MAP4: variants seen among roughly 807,000 people sequenced by gnomAD.
MAP4 encodes the protein microtubule-associated protein 4.
A neutral mutation model predicts 170.2 loss-of-function variants in MAP4; 76 were observed. That is an observed-to-expected ratio of 0.45 (90% CI 0.37 to 0.54). MAP4 has a LOEUF of 0.54. Among genes scored for constraint, MAP4 ranks in the 20% least tolerant of loss-of-function variants. The pLI is 0.00. For missense variants in MAP4, 2,506 were observed against 2,748.0 expected, an observed-to-expected ratio of 0.91 and a Z score of 1.97; for synonymous variants, 909 against 994.5, an observed-to-expected ratio of 0.91 and a Z score of 1.62.
chr3:47,937,416 G>A lies in MAP4; in HGVS notation c.293-9066C>T, dbSNP rs900330923. Among the ~76,000 whole-genome samples the A allele has an allele frequency of 3.9e-5, 6 of 152,038 alleles. No homozygotes were observed. The East Asian group carries it at 5.8e-4, about 15-fold the overall frequency. ...AAAAGGTGATGAAACTTGGATAAAC[G>A]CCTTTTTAAATTAGTAAAAATATTA... On this transcript the variant is annotated intron_variant, in intron 3 of 20. Coordinates refer to ENST00000683076, the MANE Select transcript of MAP4 (RefSeq NM_001385682.1).
In MAP4 at chr3:47,916,643, T is replaced by G. The variant is rs767637799; in HGVS notation, c.1184A>C (p.Asp395Ala). The change falls in exon 7 of 21, where the codon GAC (aspartate) becomes GCC (alanine). Residue 395 changes from aspartate (D) to alanine (A), a missense_variant. Transcript: ENST00000683076. ...CTTGTTTTCTTTGGGTGGTCCCATG[T>G]CCTTGGAAGGAGCCAAGTCCATTTT... is the stretch of plus-strand genomic sequence containing the variant. ...PIKMDLAPSK[D>A]MGPPKENKIV... 15 of 1,614,094 alleles carry G rather than the reference T, an allele frequency of 9.3e-6. No individual in the cohort carries two copies. The highest frequency in any genetic ancestry group is 1.1e-5 in the Non-Finnish European group (13 of 1,180,034).
intron 2 of MAP4, among the ~76,000 whole-genome samples, chr3:47,992,171 T>C (rs928296165): frequency 2.0e-5 from 3 of 152,106 alleles, no homozygotes; most frequent in African/African-American, 7.2e-5. Flanking sequence ...ATATGAAACC[T>C]GTCATTATGG....
chr3:47,880,976 GT>G (rs1211963192), intron 10 of MAP4, among the ~76,000 whole-genome samples: 1 of 152,134 alleles, frequency 6.6e-6, no homozygotes, highest in African/African-American at 2.4e-5. Context: ...GGTTACAGAA[GT>G]CCCCAGCTGT....
chr3:48,031,254 AAAAATAC>A (rs758732779), intron 1 of MAP4, among the ~76,000 whole-genome samples: 1 of 152,106 alleles, frequency 6.6e-6, no homozygotes, highest in Non-Finnish European at 1.5e-5. Flanking sequence ...CATCTCTATG[AAAAATAC>A]AAAAATTAGG....
chr3:48,058,587 A>G (rs2100133514), intron 1 of MAP4, among the ~76,000 whole-genome samples: 1 of 152,222 alleles, frequency 6.6e-6, no homozygotes, highest in Admixed American at 6.5e-5. Context: ...TTCATCTGAT[A>G]AAACTGGCAT....
chr3:47,863,937 T>TGTGTGGGGGGGGG (rs374208589), intron 17 of MAP4, among the ~76,000 whole-genome samples: 5 of 138,462 alleles, frequency 3.6e-5, no homozygotes, highest in East Asian at 4.2e-4. Context: ...TGTGTGTGTG[T>TGTGTGGGGGGGGG]GGGGAGTGGT....
In MAP4 at chr3:47,936,510, TA is replaced by T. The variant is rs562367682; in HGVS notation, c.293-8161del. Among the ~76,000 whole-genome samples the T allele has an allele frequency of 4.6e-3, 661 of 144,942 alleles. 1 individual carries two copies. Among genetic ancestry groups the T allele is most frequent in the African/African-American group, 0.013 (520 of 39,812 alleles). On this transcript the variant is annotated intron_variant, in intron 3 of 20. Transcript: ENST00000683076. Reference sequence around the variant, plus strand: ...GTATTATTCTAAAACCCTTATATGTTAAAAAAAAAAAATCTAGCTACAAGCA... The same window carrying T: ...GTATTATTCTAAAACCCTTATATGTTAAAAAAAAAAATCTAGCTACAAGCA...
In MAP4 at chr3:47,980,246, G is replaced by T. The variant is rs544633901; in HGVS notation, c.224-2313C>A. ...CATATAAGACTATATAGATCAATTT[G>T]GGGATTGACTATATAGATCAATTTG... On this transcript the variant is annotated intron_variant, in intron 2 of 20. Transcript: ENST00000683076. Among the ~76,000 whole-genome samples, 32 of 152,142 alleles carry T rather than the reference G, an allele frequency of 2.1e-4. No individual in the cohort carries two copies. The South Asian group carries it at 6.4e-3, about 31-fold the overall frequency.
In MAP4 at chr3:47,869,238, A is replaced by T. The variant is rs1344742632; in HGVS notation, c.6384T>A (p.Ser2128Arg). 10 of 1,613,690 alleles carry T rather than the reference A, an allele frequency of 6.2e-6. No individual in the cohort carries two copies. The highest frequency in any genetic ancestry group is 8.5e-6 in the Non-Finnish European group (10 of 1,179,572). The change falls in exon 16 of 21, where the codon AGT becomes AGA. Residue 2128 changes from serine to arginine, a missense_variant. This residue lies in a region of MAP4 where 487 missense variants were observed against 511.6 expected (regional missense o/e 0.95). Coordinates refer to ENST00000683076, the MANE Select transcript of MAP4 (RefSeq NM_001385682.1). ...CTTTCCCCGCAGGTTGTTTCTGTGCACTTGCAATTGGGCCGGCTGTTTTAG... is the reference window on the plus strand; with the variant it reads ...CTTTCCCCGCAGGTTGTTTCTGTGCTCTTGCAATTGGGCCGGCTGTTTTAG... ...AVTKTAGPIA[S>R]AQKQPAGKVQ...
In MAP4 at chr3:48,085,422, T is replaced by C. The variant is rs535727529; in HGVS notation, c.-20+3351A>G. ...TGCTTCCTTCACTGTCAGCAAACAATGGAAAATGACTTTTTAATAGGTAAT... is the reference window on the plus strand; with the variant it reads ...TGCTTCCTTCACTGTCAGCAAACAACGGAAAATGACTTTTTAATAGGTAAT... On this transcript the variant is annotated intron_variant, in intron 1 of 18. Transcript: ENST00000360240. Among the ~76,000 whole-genome samples the C allele has an allele frequency of 2.9e-3, 445 of 152,264 alleles. 3 individuals carry two copies. The highest frequency in any genetic ancestry group is 0.014 in the Middle Eastern group (4 of 294).
chr3:47,915,409 C>A (rs1234145439), intron 7 of MAP4, among the ~76,000 whole-genome samples: 1 of 152,078 alleles, frequency 6.6e-6, no homozygotes, highest in African/African-American at 2.4e-5. Flanking sequence ...AGCCACCATG[C>A]CCGGTCAATG....
At chr3:47,977,374 G>A (rs564633675) in intron 3 of MAP4, among the ~76,000 whole-genome samples, 1 of 152,154 alleles carries the variant, frequency 6.6e-6, no homozygotes, top group Non-Finnish European at 1.5e-5. Flanking sequence ...AGAGCTAAGA[G>A]TTTAATTAGA....
chr3:47,922,214 A>G (rs925233574), intron 4 of MAP4, among the ~76,000 whole-genome samples: 2 of 151,942 alleles, frequency 1.3e-5, no homozygotes, highest in Non-Finnish European at 1.5e-5. Context: ...CTCCCAAAGT[A>G]TTAGGATTAC....
chr3:47,881,459 T>C (rs965508770), intron 10 of MAP4, among the ~76,000 whole-genome samples: 1 of 29,724 alleles, frequency 3.4e-5, no homozygotes, highest in South Asian at 1.8e-3. Flanking sequence ...TATATATATA[T>C]ATATATATAT....
chr3:47,855,562 G>A lies in MAP4; in HGVS notation c.6584-202C>T, dbSNP rs1049896513. ...GAGACAATCTCTCCGTCCAGCCAGT[G>A]GGAATACCTCCAAGAAAAGGAAAGC... On this transcript the variant is annotated intron_variant, in intron 18 of 20. Coordinates refer to ENST00000683076, the MANE Select transcript of MAP4 (RefSeq NM_001385682.1). This position sits in a 1 kb window ranked among gnomAD's most constrained non-coding sequence, Gnocchi z 5.1. Among the ~76,000 whole-genome samples the A allele has an allele frequency of 6.6e-6, 1 of 152,206 alleles. No individual in the cohort carries two copies. The highest frequency in any genetic ancestry group is 1.5e-5 in the Non-Finnish European group (1 of 68,032).
intron 2 of MAP4, among the ~76,000 whole-genome samples, chr3:47,994,609 G>A (rs992787684): frequency 1.3e-5 from 2 of 152,152 alleles, no homozygotes; most frequent in African/African-American, 4.8e-5. Flanking sequence ...CCCAAGAGGA[G>A]GAAAGTTTTT....
chr3:47,881,446 C>CTATATATATATATATA (rs56923064), intron 10 of MAP4, among the ~76,000 whole-genome samples: 2 of 49,480 alleles, frequency 4.0e-5, no homozygotes, highest in Admixed American at 2.0e-4. Context: ...GAAAAAACAA[C>CTATATATATATATATA]TATATATATA....
intron 1 of MAP4, among the ~76,000 whole-genome samples, chr3:48,042,018 A>G (rs192981247): frequency 1.6e-3 from 242 of 152,286 alleles, no homozygotes; most frequent in Middle Eastern, 3.4e-3. Flanking sequence ...CTGGCTATTT[A>G]TGTGTATCCT....
chr3:48,029,054 G>A (rs1328017834), intron 1 of MAP4, among the ~76,000 whole-genome samples: 1 of 151,592 alleles, frequency 6.6e-6, no homozygotes, highest in African/African-American at 2.4e-5. Flanking sequence ...GCTGAGGTGT[G>A]AGGATCACTG....
Sources: allele counts gnomAD v4.1 joint callset (sites outside exome capture counted in the v4.1 genomes callset), GRCh38; gene constraint gnomAD v4.1.1; regional missense constraint gnomAD v4.1.1; non-coding constraint Gnocchi (gnomAD v3.1); transcripts MANE v1.5; gene names NCBI Gene and HGNC (gene_info 2026-07-23, HGNC 2026-07-21).